Variants in GAS7 observed in about 807,000 individuals in gnomAD.
GAS7 encodes the protein growth arrest-specific protein 7.
GAS7 carries 28 observed loss-of-function variants against 71.1 expected under a neutral mutation model. The observed-to-expected ratio is 0.39, with a 90% CI of 0.29 to 0.54. The LOEUF (loss-of-function observed/expected upper bound fraction) is 0.54. GAS7 is among the 20% of genes least tolerant of loss of function. The pLI is 0.62. For synonymous variants in GAS7, 258 were observed against 245.8 expected (o/e 1.05, Z -0.46); for missense variants, 436 against 627.8 (o/e 0.69, Z 3.27).
chr17:10,170,979 A>T (rs1169811776), intron 1 of GAS7, among the ~76,000 whole-genome samples: 1 of 152,164 alleles, frequency 6.6e-6, no homozygotes, highest in African/African-American at 2.4e-5. Flanking sequence ...ACTGGGATCA[A>T]TTGTCTTCTA....
chr17:10,005,815 C>T (rs2071506838), intron 2 of GAS7, among the ~76,000 whole-genome samples: 1 of 152,084 alleles, frequency 6.6e-6, no homozygotes, highest in Non-Finnish European at 1.5e-5. Flanking sequence ...CCTGCCACCT[C>T]CCTGCCATCC....
rs111822466 is a variant in GAS7 at position 9,955,408 on chromosome 17, A to G, written c.525+3794T>C. Among the ~76,000 whole-genome samples, 584 of 152,356 alleles carry G rather than the reference A, an allele frequency of 3.8e-3. 3 individuals carry two copies. Among genetic ancestry groups the G allele is most frequent in the African/African-American group, 0.013 (537 of 41,578 alleles). On this transcript the variant is annotated intron_variant, in intron 5 of 13. Coordinates refer to ENST00000432992, the MANE Select transcript of GAS7 (RefSeq NM_201433.2). ...AGATCCACTTTCTGTTTGTTCAACA[A>G]AAGCAAATAATGTGCCAGCCACAGT...
intron 1 of GAS7, among the ~76,000 whole-genome samples, chr17:10,174,519 C>T (rs35219335): frequency 0.21 from 32,387 of 150,814 alleles, 4,098 homozygotes; most frequent in African/African-American, 0.34. Context: ...GGTGAAACCC[C>T]GTCTCTACTA....
chr17:10,005,162 TGCGC>T (rs1405479051), intron 2 of GAS7, among the ~76,000 whole-genome samples: 2 of 74,718 alleles, frequency 2.7e-5, no homozygotes, highest in Non-Finnish European at 8.1e-5. Flanking sequence ...TGCATGTGTG[TGCGC>T]ACGCATGCAT....
intron 11 of GAS7, among the ~76,000 whole-genome samples, chr17:9,920,886 C>T (rs966007820): frequency 6.6e-6 from 1 of 152,142 alleles, no homozygotes; most frequent in African/African-American, 2.4e-5. Flanking sequence ...AAAGTGACTC[C>T]TATAGTATCA....
intron 1 of GAS7, among the ~76,000 whole-genome samples, chr17:10,169,027 A>T (rs1428519019): frequency 6.6e-6 from 1 of 151,232 alleles, no homozygotes; most frequent in African/African-American, 2.4e-5. Context: ...CCTGTAATCC[A>T]GCACTTTGGG....
At chr17:10,040,358 G>T (rs1243758803) in intron 1 of GAS7, among the ~76,000 whole-genome samples, 2 of 152,152 alleles carry the variant, frequency 1.3e-5, no homozygotes, top group African/African-American at 4.8e-5. Context: ...GAGAAATATA[G>T]TAGTGAAGGA....
intron 2 of GAS7, among the ~76,000 whole-genome samples, chr17:9,996,753 C>G (rs941007409): frequency 1.1e-4 from 17 of 151,866 alleles, no homozygotes; most frequent in East Asian, 9.7e-4. Flanking sequence ...ATTCTCCTGC[C>G]TCAGCCTCCT....
intron 1 of GAS7, among the ~76,000 whole-genome samples, chr17:10,112,657 T>C (rs536251253): frequency 6.6e-6 from 1 of 152,030 alleles, no homozygotes; most frequent in East Asian, 1.9e-4. Flanking sequence ...GAGAATTGCT[T>C]GAACCTGGGA....
At position 9,913,232 on chromosome 17, in the gene GAS7, G is replaced by T. The variant is rs1016970951; in HGVS notation, c.*3996C>A. On this transcript the variant is annotated 3_prime_UTR_variant, in exon 14 of 14. Transcript: ENST00000432992. ...CGATGGGCCTTGTAGGGATGGCAAGGATTATGGGGATAAGACGATGTCCAG... is the reference window on the plus strand; with the variant it reads ...CGATGGGCCTTGTAGGGATGGCAAGTATTATGGGGATAAGACGATGTCCAG... 3 of 232,412 alleles carry T rather than the reference G, an allele frequency of 1.3e-5. No individual in the cohort carries two copies. The highest frequency in any genetic ancestry group is 2.6e-5 in the Non-Finnish European group (3 of 117,582). The allele number at this position is 232,412 out of a possible 1,614,324, so 14.4% of individuals were successfully genotyped here. A position where few individuals can be genotyped will look rare whatever the true frequency, so the allele number is the denominator to read the frequency against.
intron 1 of GAS7, among the ~76,000 whole-genome samples, chr17:10,141,432 C>T (rs1275569665): frequency 6.6e-6 from 1 of 151,260 alleles, no homozygotes; most frequent in East Asian, 1.9e-4. Flanking sequence ...TGGGCAACAG[C>T]AAGACTGTGC....
chr17:10,184,212 C>G (rs190621117), intron 1 of GAS7, among the ~76,000 whole-genome samples: 28 of 152,304 alleles, frequency 1.8e-4, no homozygotes, highest in African/African-American at 6.3e-4. Flanking sequence ...CAGTCCAGAC[C>G]CTGCCCCCCA....
intron 1 of GAS7, among the ~76,000 whole-genome samples, chr17:10,131,815 G>A (rs2073999541): frequency 6.6e-6 from 1 of 152,004 alleles, no homozygotes; most frequent in Non-Finnish European, 1.5e-5. Flanking sequence ...AAATAGACGG[G>A]CTCGAGAATG....
At chr17:9,937,208 G>C (rs1014449626) in intron 8 of GAS7, among the ~76,000 whole-genome samples, 4 of 152,346 alleles carry the variant, frequency 2.6e-5, no homozygotes, top group Admixed American at 6.5e-5. Context: ...ATGCATGTAT[G>C]TGAGCTTGCG....
chr17:10,049,744 CCGAG>C (rs2073036592), intron 1 of GAS7, among the ~76,000 whole-genome samples: 1 of 150,886 alleles, frequency 6.6e-6, no homozygotes, highest in Non-Finnish European at 1.5e-5. Context: ...CCTCAGCCTC[CCGAG>C]TAGCTGGGAC....
At chr17:9,986,708 C>T (rs2070663431) in intron 2 of GAS7, among the ~76,000 whole-genome samples, 1 of 152,220 alleles carries the variant, frequency 6.6e-6, no homozygotes, top group Admixed American at 6.5e-5. Context: ...CCCAGACCCC[C>T]CACAAGCTAG....
At position 9,981,888 on chromosome 17, in the gene GAS7, G is replaced by A; in HGVS notation, c.305-4C>T. On this transcript the variant is annotated splice_region_variant and splice_polypyrimidine_tract_variant and intron_variant, in intron 2 of 13. Transcript: ENST00000432992. The surrounding 1 kb of genome is among the most constrained non-coding windows in gnomAD (Gnocchi z 4.4). ...CTGGGACGTTCCCAGGTGGTCTCTG[G>A]TGAAAGAAGAGCAAAGAAAATCACT... 1 of 1,548,940 alleles carries A rather than the reference G, an allele frequency of 6.5e-7. No individual in the cohort carries two copies. The highest frequency in any genetic ancestry group is 8.9e-7 in the Non-Finnish European group (1 of 1,120,708).
chr17:10,115,938 G>T (rs150291312), intron 1 of GAS7, among the ~76,000 whole-genome samples: 3 of 152,182 alleles, frequency 2.0e-5, no homozygotes, highest in African/African-American at 7.2e-5. Flanking sequence ...ATCCAACCAG[G>T]ACTTCTGAGA....
intron 2 of GAS7, among the ~76,000 whole-genome samples, chr17:10,009,472 C>T (rs1184979465): frequency 1.3e-5 from 2 of 151,888 alleles, no homozygotes; most frequent in East Asian, 1.9e-4. Context: ...AATCCAAAAG[C>T]TCACATCCTG....
Sources: allele counts gnomAD v4.1 joint callset (sites outside exome capture counted in the v4.1 genomes callset), GRCh38; gene constraint gnomAD v4.1.1; non-coding constraint Gnocchi (gnomAD v3.1); transcripts MANE v1.5; gene names NCBI Gene and HGNC (gene_info 2026-07-23, HGNC 2026-07-21).